Variants in PCGF6 observed in about 807,000 individuals in gnomAD.
PCGF6 encodes polycomb group ring finger 6.
In PCGF6, 24 loss-of-function variants were observed where a neutral mutation model predicts 45.5. The observed-to-expected ratio is 0.53, with a 90% CI of 0.38 to 0.74. The LOEUF (loss-of-function observed/expected upper bound fraction) is 0.74. Among genes scored for constraint, PCGF6 ranks in the 30% least tolerant of loss-of-function variants. PCGF6 has a pLI of 0.00. For synonymous variants in PCGF6, 152 were observed against 162.1 expected, an observed-to-expected ratio of 0.94 and a Z score of 0.47; for missense variants, 356 against 443.2, an observed-to-expected ratio of 0.80 and a Z score of 1.77.
intron 6 of PCGF6, among the ~76,000 whole-genome samples, chr10:103,342,082 G>A (rs1381005354): frequency 2.6e-5 from 4 of 151,096 alleles, no homozygotes; most frequent in South Asian, 2.1e-4. Flanking sequence ...TCACAGGCAC[G>A]TGCCACCACA....
rs1333356971 is a variant in PCGF6 at position 103,314,218 on chromosome 10, T to A, written c.964A>T (p.Ile322Phe). The A allele has an allele frequency of 1.2e-6, 2 of 1,606,494 alleles. No individual in the cohort carries two copies. Among genetic ancestry groups the A allele is most frequent in the African/African-American group, 2.7e-5 (2 of 74,636 alleles). The change falls in exon 9 of 10, where the codon ATC (isoleucine) becomes TTC (phenylalanine). Residue 322 changes from isoleucine (I) to phenylalanine (F), a missense_variant. Around this residue, in one of 2 missense-constraint regions of PCGF6, gnomAD observed 49 missense variants for 93.0 expected, o/e 0.53. Transcript: ENST00000369847. Reference sequence around the variant, plus strand: ...GCTGCATCACCTATTGCACGTCGGATTTCCCTTAGAGTTTGATACTGCTCC... The same window carrying A: ...GCTGCATCACCTATTGCACGTCGGAATTCCCTTAGAGTTTGATACTGCTCC... The part of the protein sequence containing the change: ...LLEQYQTLRE[I>F]RRAIGDAAMQ...
chr10:103,337,462 TA>T (rs1189400763), intron 6 of PCGF6, among the ~76,000 whole-genome samples: 1 of 152,212 alleles, frequency 6.6e-6, no homozygotes, highest in East Asian at 1.9e-4. Flanking sequence ...AGTTTAGAAA[TA>T]CAGAAACTGA....
At chr10:103,327,858 C>A (rs1187257666) in intron 7 of PCGF6, among the ~76,000 whole-genome samples, 1 of 136,432 alleles carries the variant, frequency 7.3e-6, no homozygotes, top group African/African-American at 2.7e-5. Flanking sequence ...TTTTTTTTTT[C>A]ATTAGAGATA....
intron 7 of PCGF6, among the ~76,000 whole-genome samples, chr10:103,327,001 T>C (rs1252002147): frequency 1.3e-5 from 2 of 152,130 alleles, no homozygotes; most frequent in East Asian, 3.9e-4. Context: ...TGAAACAACT[T>C]TGAGGCCGGG....
chr10:103,341,806 T>C (rs1033851072), intron 6 of PCGF6, among the ~76,000 whole-genome samples: 5 of 152,166 alleles, frequency 3.3e-5, no homozygotes, highest in African/African-American at 9.7e-5. Context: ...AGCCTTCTTT[T>C]GATTAGTATG....
Position 103,330,064 on chromosome 10 carries a change from G to A in PCGF6, c.811-3432C>T, listed in dbSNP as rs530170732. Among the ~76,000 whole-genome samples the A allele has an allele frequency of 2.4e-3, 369 of 151,808 alleles. 1 individual carries two copies. Among genetic ancestry groups the A allele is most frequent in the African/African-American group, 3.2e-3 (133 of 41,426 alleles). ...ATTACAGGTGTGAGCCACTGTGCCC[G>A]GCCTGTTTTTTGTTTGTTTGTTTTT... On this transcript the variant is annotated intron_variant, in intron 7 of 9. Coordinates refer to ENST00000369847, the MANE Select transcript of PCGF6 (RefSeq NM_001011663.2).
intron 8 of PCGF6, among the ~76,000 whole-genome samples, chr10:103,321,668 C>T (rs1207460769): frequency 6.6e-6 from 1 of 151,748 alleles, no homozygotes; most frequent in Non-Finnish European, 1.5e-5. Flanking sequence ...GCCGAGATCG[C>T]GCCACTGTAC....
intron 9 of PCGF6, among the ~76,000 whole-genome samples, chr10:103,307,455 A>T (rs928771689): frequency 1.1e-4 from 17 of 151,918 alleles, no homozygotes; most frequent in Admixed American, 3.3e-4. Flanking sequence ...GTCTCAAAAA[A>T]AAAAGAAAGA....
chr10:103,318,038 T>C lies in PCGF6; in HGVS notation c.910-3766A>G, dbSNP rs921097589. On this transcript the variant is annotated intron_variant, in intron 8 of 9. Transcript: ENST00000369847. ...TCCCAAAGTGCTGGGATTACAGGCA[T>C]GAGCCACCGCACCCAGCTGGGGTTG... 4.0e-5 allele frequency among the ~76,000 whole-genome samples: 6 copies of C among 149,936 alleles called. No homozygotes were observed. In the East Asian group the frequency reaches 8.3e-4, roughly 21 times the overall value.
In PCGF6 at chr10:103,305,217, C is replaced by G. The variant is rs1592051312; in HGVS notation, c.997-1256G>C. The stretch of plus-strand genomic sequence containing the variant: ...TCAAACTCTTGAGCTTCAAGCAATA[C>G]CCCCATCTTGGCTTCCCAAAGTGTG... On this transcript the variant is annotated intron_variant, in intron 9 of 9. Transcript: ENST00000369847. Among the ~76,000 whole-genome samples the G allele has an allele frequency of 3.7e-4, 31 of 84,480 alleles. No homozygotes were observed. The South Asian group carries it at 0.022, about 59-fold the overall frequency. 55.4% of individuals were successfully genotyped at this position (84,480 alleles called of 152,430 possible). A position where few individuals can be genotyped will look rare whatever the true frequency, so the allele number is the denominator to read the frequency against.
At chr10:103,340,007 CA>C (rs60211186) in intron 6 of PCGF6, among the ~76,000 whole-genome samples, 211 of 60,170 alleles carry the variant, frequency 3.5e-3, no homozygotes, top group Middle Eastern at 0.021. Flanking sequence ...ACTAAAAATA[CA>C]AAAAAAAAAA....
chr10:103,337,408 T>C (rs186455503), intron 6 of PCGF6, among the ~76,000 whole-genome samples: 6 of 152,292 alleles, frequency 3.9e-5, no homozygotes, highest in African/African-American at 1.4e-4. Flanking sequence ...GAATATCACA[T>C]GTTGATTCTT....
chr10:103,314,954 T>TAAAAAAAA (rs60182387), intron 8 of PCGF6, among the ~76,000 whole-genome samples: 2 of 57,186 alleles, frequency 3.5e-5, no homozygotes, highest in African/African-American at 1.6e-4. Context: ...GACTCTGTCA[T>TAAAAAAAA]AAAAAAAAAA....
At chr10:103,310,820 A>G (rs2093154780) in intron 9 of PCGF6, among the ~76,000 whole-genome samples, 1 of 151,956 alleles carries the variant, frequency 6.6e-6, no homozygotes, top group Admixed American at 6.6e-5. Flanking sequence ...CTCCCTCCTC[A>G]GCCTTCTAAG....
intron 8 of PCGF6, among the ~76,000 whole-genome samples, chr10:103,322,014 G>A (rs776931057): frequency 6.6e-6 from 1 of 151,420 alleles, no homozygotes; most frequent in Non-Finnish European, 1.5e-5. Flanking sequence ...TCCCACCTCA[G>A]CTTCCCAAGT....
intron 9 of PCGF6, among the ~76,000 whole-genome samples, chr10:103,309,428 T>C (rs2093148854): frequency 6.6e-6 from 1 of 152,176 alleles, no homozygotes; most frequent in South Asian, 2.1e-4. Context: ...AGCACTTCCC[T>C]CCTTATTCTC....
chr10:103,351,121 C>A lies in PCGF6; in HGVS notation c.-55G>T. On this transcript the variant is annotated 5_prime_UTR_variant, in exon 1 of 10. Coordinates refer to ENST00000369847, the MANE Select transcript of PCGF6 (RefSeq NM_001011663.2). ...CGGCGGGAGAGCGCGGGAGTTCGGCCGGCCTCGGACGCCACCACTGCGCAG... is the reference window on the plus strand; with the variant it reads ...CGGCGGGAGAGCGCGGGAGTTCGGCAGGCCTCGGACGCCACCACTGCGCAG... 7.5e-7 allele frequency: 1 copy of A among 1,329,968 alleles called. No homozygotes were observed. The highest frequency in any genetic ancestry group is 9.6e-7 in the Non-Finnish European group (1 of 1,038,714). 82.4% of individuals were successfully genotyped at this position (1,329,968 alleles called of 1,614,324 possible). A position where few individuals can be genotyped will look rare whatever the true frequency, so the allele number is the denominator to read the frequency against.
chr10:103,326,469 C>A, intron 8 of PCGF6, 65 bp downstream of exon 8: 1 of 931,430 alleles, frequency 1.1e-6, no homozygotes, highest in Non-Finnish European at 1.6e-6. Flanking sequence ...CTACAGAGTT[C>A]TTTCTACAGT....
At position 103,350,818 on chromosome 10, in the gene PCGF6, C is replaced by CTCCTCG. The variant is rs779675045; in HGVS notation, c.243_248dup (p.Asp81_Glu82dup). On this transcript the variant is annotated inframe_insertion, in exon 1 of 10. Coordinates refer to ENST00000369847, the MANE Select transcript of PCGF6 (RefSeq NM_001011663.2). ...CCTCCAGCTCCTCTTCTTCTTCCAA[C>CTCCTCG]TCCTCGTCCTCGTCCTCGAAGCGGC... 6.4e-6 allele frequency: 10 copies of CTCCTCG among 1,550,444 alleles called. No homozygotes were observed. The highest frequency in any genetic ancestry group is 6.1e-6 in the Non-Finnish European group (7 of 1,147,306).
Sources: allele counts gnomAD v4.1 joint callset (sites outside exome capture counted in the v4.1 genomes callset), GRCh38; gene constraint gnomAD v4.1.1; regional missense constraint gnomAD v4.1.1; transcripts MANE v1.5; gene names NCBI Gene and HGNC (gene_info 2026-07-23, HGNC 2026-07-21).